Variants in ECD observed in about 807,000 individuals in gnomAD.
ECD encodes ecdysoneless cell cycle regulator, also known as protein ecdysoneless homolog.
ECD carries 59 observed loss-of-function variants against 77.2 expected under a neutral mutation model. That is an observed-to-expected ratio of 0.76 (90% CI 0.62 to 0.95). The LOEUF (loss-of-function observed/expected upper bound fraction) is 0.95. ECD is among the 40% of genes least tolerant of loss of function. The probability of loss-of-function intolerance (pLI) is 0.00; values close to 1 mark genes in which losing one functional copy is unlikely to be tolerated. For missense variants in ECD, 704 were observed against 763.4 expected (o/e 0.92, Z 0.92); for synonymous variants, 233 against 267.4 (o/e 0.87, Z 1.26).
At chr10:73,154,194 A>T (rs192173257) in intron 6 of ECD, 62 bp downstream of exon 6, 1 of 1,478,770 alleles carries the variant, frequency 6.8e-7, no homozygotes, top group Non-Finnish European at 9.0e-7. Context: ...AAAGAAAAAA[A>T]TAATAATGTT....
At chr10:73,155,277 A>G (rs1210385612) in intron 5 of ECD, among the ~76,000 whole-genome samples, 1 of 151,938 alleles carries the variant, frequency 6.6e-6, no homozygotes, top group Non-Finnish European at 1.5e-5. Context: ...CATGTTGGTC[A>G]GGATGGTCTC....
chr10:73,159,219 A>G (rs1028635728), intron 3 of ECD, among the ~76,000 whole-genome samples: 17 of 152,278 alleles, frequency 1.1e-4, no homozygotes, highest in African/African-American at 3.4e-4. Context: ...AGGACAAAAT[A>G]TAAGTGGGCG....
chr10:73,165,223 T>C (rs1843438046), intron 1 of ECD, among the ~76,000 whole-genome samples: 1 of 152,256 alleles, frequency 6.6e-6, no homozygotes, highest in Admixed American at 6.5e-5. Context: ...ATGAACATTG[T>C]ATGGCGTAGA....
intron 12 of ECD, among the ~76,000 whole-genome samples, chr10:73,137,775 C>CAAA (rs1196092650): frequency 9.7e-5 from 9 of 92,848 alleles, no homozygotes; most frequent in African/African-American, 3.2e-4. Context: ...GACACTGTCT[C>CAAA]AAAAAAAAAA....
At chr10:73,164,249 G>A (rs545102526) in intron 1 of ECD, among the ~76,000 whole-genome samples, 1 of 151,558 alleles carries the variant, frequency 6.6e-6, no homozygotes, top group Admixed American at 6.6e-5. Context: ...CTACTTGGGA[G>A]GCTAAAGCAG....
intron 9 of ECD, among the ~76,000 whole-genome samples, chr10:73,143,779 C>T (rs1047587246): frequency 2.6e-4 from 17 of 65,006 alleles, no homozygotes; most frequent in South Asian, 7.9e-4. Context: ...CTTACTCATT[C>T]GTTCTATTTT....
At chr10:73,158,019 T>C (rs1486891425) in intron 3 of ECD, among the ~76,000 whole-genome samples, 2 of 152,036 alleles carry the variant, frequency 1.3e-5, no homozygotes, top group Non-Finnish European at 2.9e-5. Flanking sequence ...TGGAATGTAG[T>C]GGTGCAATCA....
In ECD at chr10:73,139,506, A is replaced by C; in HGVS notation, c.1235-11T>G. 6.2e-7 allele frequency: 1 copy of C among 1,612,300 alleles called. No individual in the cohort carries two copies. Among genetic ancestry groups the C allele is most frequent in the East Asian group, 2.2e-5 (1 of 44,878 alleles). ...CTAACCACTGGTCATCTGAAAAAGA[A>C]GAAAGCATAATACTGCCATTCTACA... On this transcript the variant is annotated splice_polypyrimidine_tract_variant and intron_variant, in intron 10 of 13. Transcript: ENST00000372979.
intron 13 of ECD, among the ~76,000 whole-genome samples, chr10:73,135,766 T>TA (rs930541878): frequency 2.0e-5 from 3 of 150,834 alleles, no homozygotes; most frequent in East Asian, 1.9e-4. Flanking sequence ...AAAATAATAA[T>TA]AAAAAAAAGG....
At position 73,137,792 on chromosome 10, in the gene ECD, A is replaced by G. The variant is rs980955832; in HGVS notation, c.1489+211T>C. 1.5e-4 allele frequency among the ~76,000 whole-genome samples: 23 copies of G among 152,062 alleles called. 1 individual carries two copies. The highest frequency in any genetic ancestry group is 7.2e-4 in the Admixed American group (11 of 15,270). ...CACTGTCTCAAAAAAAAAAAAAAAA[A>G]ATTAATGAGCAGCTACTATATATGT... On this transcript the variant is annotated intron_variant, in intron 12 of 13. Transcript: ENST00000372979.
Position 73,154,322 on chromosome 10 carries a change from G to T in ECD, c.717C>A (p.Asp239Glu), listed in dbSNP as rs754056598. The change falls in exon 6 of 14, where the codon GAC becomes GAA. Residue 239 changes from aspartate to glutamate, a missense_variant. Transcript: ENST00000372979. ...CACGACAAGCTCGCAGGTCAATAGG[G>T]TCTCGTAGGTAAAATGCCTGGACTG... ...AAAVQAFYLR[D>E]PIDLRACRVF... The T allele has an allele frequency of 1.2e-5, 20 of 1,613,948 alleles. No individual in the cohort carries two copies. In the South Asian group the frequency reaches 2.0e-4, roughly 16 times the overall value.
At chr10:73,151,337 C>T (rs7905588) in intron 7 of ECD, among the ~76,000 whole-genome samples, 22,821 of 137,540 alleles carry the variant, frequency 0.17, 2,966 homozygotes, top group African/African-American at 0.35. Flanking sequence ...TGAGAACACA[C>T]GGACACAGGA....
chr10:73,137,546 T>TG (rs1842990745), intron 12 of ECD, among the ~76,000 whole-genome samples: 1 of 151,986 alleles, frequency 6.6e-6, no homozygotes, highest in Admixed American at 6.6e-5. Flanking sequence ...TAGGCTGAGA[T>TG]GGGCGGATCA....
chr10:73,162,881 G>A, intron 2 of ECD, among the ~76,000 whole-genome samples: 1 of 152,234 alleles, frequency 6.6e-6, no homozygotes, highest in Non-Finnish European at 1.5e-5. Context: ...GCCTAGCAGA[G>A]GAGCAGGTCC....
rs140027155 is a variant in ECD, at chr10:73,163,415, G to A, written c.205+318C>T. 1.8e-3 allele frequency among the ~76,000 whole-genome samples: 271 copies of A among 152,280 alleles called. 3 individuals carry two copies. The highest frequency in any genetic ancestry group is 6.2e-3 in the African/African-American group (257 of 41,546). Reference sequence around the variant, plus strand: ...AAAGGAACCATGATTAAAGCCAGATGCCTGAAACTATTTAGTATAGATACT... The same window carrying A: ...AAAGGAACCATGATTAAAGCCAGATACCTGAAACTATTTAGTATAGATACT... On this transcript the variant is annotated intron_variant, in intron 2 of 13. Coordinates refer to ENST00000372979, the MANE Select transcript of ECD (RefSeq NM_007265.3).
At chr10:73,142,543 G>A (rs1189498970) in intron 9 of ECD, among the ~76,000 whole-genome samples, 1 of 151,020 alleles carries the variant, frequency 6.6e-6, no homozygotes, top group Admixed American at 6.6e-5. Flanking sequence ...CTGAGGCAGG[G>A]GCATCGCTTG....
At chr10:73,142,548 C>G (rs569066550) in intron 9 of ECD, among the ~76,000 whole-genome samples, 2 of 149,388 alleles carry the variant, frequency 1.3e-5, no homozygotes, top group African/African-American at 4.9e-5. Context: ...GCAGGGGCAT[C>G]GCTTGAACCC....
chr10:73,156,400 T>C lies in ECD; in HGVS notation c.465A>G (p.Gly155=), dbSNP rs749276720. The change falls in exon 5 of 14, where the codon GGA becomes GGG. Residue 155 remains glycine (G), a synonymous_variant. Transcript: ENST00000372979. ...GTGTGGTGGGTAACCAAGATTCTGC[T>C]CCAGATTTTCTTGGTGCAGGGATAA... ...LCIIPAPRKS[G]AESWLPTTPP... 3.1e-6 allele frequency: 5 copies of C among 1,613,414 alleles called. No homozygotes were observed. The South Asian group carries it at 4.4e-5, about 14-fold the overall frequency.
intron 13 of ECD, among the ~76,000 whole-genome samples, 179 bp from the exon 14 acceptor site, chr10:73,134,992 A>G (rs1842960293): frequency 6.6e-6 from 1 of 152,204 alleles, no homozygotes; most frequent in African/African-American, 2.4e-5. Context: ...CCTAGCACAC[A>G]TAATAAAACT....
Sources: allele counts gnomAD v4.1 joint callset (sites outside exome capture counted in the v4.1 genomes callset), GRCh38; gene constraint gnomAD v4.1.1; transcripts MANE v1.5; gene names NCBI Gene and HGNC (gene_info 2026-07-23, HGNC 2026-07-21).